SPSB2: variants seen among roughly 807,000 people sequenced by gnomAD.
The protein encoded by SPSB2 is splA/ryanodine receptor domain and SOCS box containing 2.
In SPSB2, 25 loss-of-function variants were observed where a neutral mutation model predicts 19.2. The ratio of observed to expected loss-of-function variants is 1.30; its 90% CI spans 0.95 to 1.82. The LOEUF (loss-of-function observed/expected upper bound fraction) is 1.82. Ranked by LOEUF, SPSB2 falls within the 40% of genes most tolerant of loss-of-function variation. The pLI is 0.00. For synonymous variants in SPSB2, 153 were observed against 154.9 expected (o/e 0.99, Z 0.09); for missense variants, 413 against 344.9 (o/e 1.20, Z -1.56).
At position 6,872,550 on chromosome 12, in the gene SPSB2, C is replaced by T; in HGVS notation, c.352G>A (p.Asp118Asn). The T allele has an allele frequency of 6.2e-7, 1 of 1,610,396 alleles. No homozygotes were observed. Among genetic ancestry groups the T allele is most frequent in the South Asian group, 1.1e-5 (1 of 91,032 alleles). Reference sequence around the variant, plus strand: ...CTGCCCAGCAGCGCCGCGTAGTGGTCAGTCTGCAGCGGGGCGAGGGCCGTG... The same window carrying T: ...CTGCCCAGCAGCGCCGCGTAGTGGTTAGTCTGCAGCGGGGCGAGGGCCGTG... ...VATALAPLQTDHYAALLGSNS... is the reference protein window; with the variant it reads ...VATALAPLQTNHYAALLGSNS... The change falls in exon 2 of 3, where the codon GAC becomes AAC. Residue 118 changes from aspartate to asparagine, a missense_variant. By Grantham distance (23) the Asp-to-Asn change is conservative (BLOSUM62 1). Transcript: ENST00000524270.
Position 6,872,671 on chromosome 12 carries a change from C to A in SPSB2, c.231G>T (p.Gly77=), listed in dbSNP as rs782419456. The A allele has an allele frequency of 6.2e-7, 1 of 1,612,586 alleles. No individual in the cohort carries two copies. Among genetic ancestry groups the A allele is most frequent in the Admixed American group, 1.7e-5 (1 of 60,034 alleles). ...TTGAATAGCCCCTCTTACCCCGGGC[C>A]CCATCAGTGCTCTGGGCCACGGGCC... is the stretch of plus-strand genomic sequence containing the variant. The part of the protein sequence containing the change: ...ERRPVAQSTD[G]ARGKRGYSRG... The change falls in exon 2 of 3, where the codon GGG becomes GGT. Residue 77 remains glycine, a synonymous_variant. Coordinates refer to ENST00000524270, the MANE Select transcript of SPSB2 (RefSeq NM_032641.4).
chr12:6,871,774 A>G (rs1313624649), intron 2 of SPSB2: 2 of 377,230 alleles, frequency 5.3e-6, no homozygotes, highest in Non-Finnish European at 9.6e-6. Flanking sequence ...CCAGGGCCCC[A>G]GTGTCTCCAT....
chr12:6,872,919 G>T lies in SPSB2; in HGVS notation c.-18C>A, dbSNP rs782629108. 1.3e-6 allele frequency: 2 copies of T among 1,522,798 alleles called. No homozygotes were observed. The highest frequency in any genetic ancestry group is 1.8e-6 in the Non-Finnish European group (2 of 1,130,292). The allele number at this position is 1,522,798 out of a possible 1,614,324, so 94.3% of individuals were successfully genotyped here. On this transcript the variant is annotated 5_prime_UTR_variant, in exon 2 of 3. Transcript: ENST00000524270. The stretch of plus-strand genomic sequence containing the variant: ...TGGCCCATGGAGGTGAGGAGCTAGA[G>T]GACTCCCCGAAAGAGGCTTGCTGGG...
chr12:6,872,084 A>G, intron 2 of SPSB2, 154 bp downstream of exon 2: 2 of 1,585,332 alleles, frequency 1.3e-6, no homozygotes, highest in Non-Finnish European at 1.7e-6. Flanking sequence ...ATTAAATAAC[A>G]GCTGTGAAGA....
rs944812008 is a variant in SPSB2 at position 6,871,094 on chromosome 12, C to A, written c.*98G>T. The A allele has an allele frequency of 1.3e-6, 2 of 1,482,572 alleles. No individual in the cohort carries two copies. The highest frequency in any genetic ancestry group is 1.8e-6 in the Non-Finnish European group (2 of 1,092,522). The allele number at this position is 1,482,572 out of a possible 1,614,324, so 91.8% of individuals were successfully genotyped here. A position where few individuals can be genotyped will look rare whatever the true frequency, so the allele number is the denominator to read the frequency against. ...GGTTGGGGTAGGGGCTCAGCCTCAC[C>A]AGCTTTCAGCAGCTGGTCTAGGCCA... On this transcript the variant is annotated 3_prime_UTR_variant, in exon 3 of 3. Transcript: ENST00000524270.
chr12:6,872,664 C>G lies in SPSB2; in HGVS notation c.238G>C (p.Gly80Arg). 6.2e-7 allele frequency: 1 copy of G among 1,612,460 alleles called. No individual in the cohort carries two copies. The highest frequency in any genetic ancestry group is 8.5e-7 in the Non-Finnish European group (1 of 1,179,986). ...AGGCCCCTTGAATAGCCCCTCTTAC[C>G]CCGGGCCCCATCAGTGCTCTGGGCC... ...PVAQSTDGAR[G>R]KRGYSRGLHA... Residue 80 changes from glycine (G) to arginine (R), a missense_variant, in exon 2 of 3, where the codon GGT becomes CGT. Transcript: ENST00000524270.
rs1944594387 is a variant in SPSB2, at chr12:6,871,520, A to G, written c.665-201T>C. ...TCCCTAGTCAGAGCTGGGGGTGAAG[A>G]GCTGGCTAAGGCCCTCTAAACAACA... is the stretch of plus-strand genomic sequence containing the variant. On this transcript the variant is annotated intron_variant, in intron 2 of 2. Coordinates refer to ENST00000524270, the MANE Select transcript of SPSB2 (RefSeq NM_032641.4). 4.8e-6 allele frequency: 3 copies of G among 630,378 alleles called. No individual in the cohort carries two copies. The African/African-American group carries it at 5.5e-5, about 12-fold the overall frequency. The allele number at this position is 630,378 out of a possible 1,614,324, so 39.0% of individuals were successfully genotyped here. A position where few individuals can be genotyped will look rare whatever the true frequency, so the allele number is the denominator to read the frequency against.
chr12:6,872,174 T>C, intron 2 of SPSB2, 64 bp downstream of exon 2: 1 of 1,612,732 alleles, frequency 6.2e-7, no homozygotes, highest in East Asian at 2.2e-5. Context: ...GTCAGAAGAG[T>C]TTCCATCCCA....
At position 6,871,152 on chromosome 12, in the gene SPSB2, T is replaced by C; in HGVS notation, c.*40A>G. ...CTCCCCACCTCCCCAAGGGGAGGGG[T>C]GGTGGCAAGACCTCAGCACAGTCTG... On this transcript the variant is annotated 3_prime_UTR_variant, in exon 3 of 3. Transcript: ENST00000524270. 1 of 1,560,164 alleles carries C rather than the reference T, an allele frequency of 6.4e-7. No homozygotes were observed.
intron 2 of SPSB2, chr12:6,872,014 A>G: frequency 6.8e-7 from 1 of 1,466,752 alleles, no homozygotes; most frequent in East Asian, 2.5e-5. Flanking sequence ...TTTACTGGCC[A>G]AGAGAACTTG....
At chr12:6,871,402 C>A (rs1944592002) in intron 2 of SPSB2, 83 bp from the exon 3 acceptor site, 1 of 1,449,406 alleles carries the variant, frequency 6.9e-7, no homozygotes. Context: ...TACTCAGATG[C>A]CTTTCTGCTT....
Position 6,872,875 on chromosome 12 carries a change from GC to G in SPSB2, c.26del (p.Gly9AlafsTer89), listed in dbSNP as rs1222214519. ...CCTGTGGCGTGGGGGTGCTGCTGCT[GC>G]CCCCTGCCAGAGCTGTCTGGCCCAT... MGQTALAG[G>X]SSSTPTPQAL... On this transcript the variant is annotated frameshift_variant, in exon 2 of 3. Coordinates refer to ENST00000524270, the MANE Select transcript of SPSB2 (RefSeq NM_032641.4). LOFTEE classifies it high-confidence loss of function. 6.3e-7 allele frequency: 1 copy of G among 1,589,886 alleles called. No individual in the cohort carries two copies. The highest frequency in any genetic ancestry group is 1.3e-5 in the African/African-American group (1 of 74,548).
Position 6,872,532 on chromosome 12 carries a change from G to T in SPSB2, c.370C>A (p.Leu124Met). 2 of 1,611,382 alleles carry T rather than the reference G, an allele frequency of 1.2e-6. No homozygotes were observed. Among genetic ancestry groups the T allele is most frequent in the Admixed American group, 3.3e-5 (2 of 60,010 alleles). The change falls in exon 2 of 3, where the codon CTG becomes ATG. Residue 124 changes from leucine (L) to methionine (M), a missense_variant. Leu to Met is a conservative substitution (Grantham distance 15). Transcript: ENST00000524270. ...PLQTDHYAAL[L>M]GSNSESWGWD... ...CCCCACGACTCGCTGTTGCTGCCCA[G>T]CAGCGCCGCGTAGTGGTCAGTCTGC...
At position 6,871,257 on chromosome 12, in the gene SPSB2, G is replaced by C; in HGVS notation, c.727C>G (p.Arg243Gly). ...GGCAGGGCAGACACCTGGCCGAGCC[G>C]GGTATCCCCCAGGTTGTGGCGCACA... ...LCVRHNLGDT[R>G]LGQVSALPLP... The change falls in exon 3 of 3, where the codon CGG becomes GGG. Residue 243 changes from arginine (R) to glycine (G), a missense_variant. Physicochemically the swap from Arg to Gly is moderately radical, Grantham distance 125. Transcript: ENST00000524270. The C allele has an allele frequency of 6.2e-7, 1 of 1,613,836 alleles. No homozygotes were observed. Among genetic ancestry groups the C allele is most frequent in the Non-Finnish European group, 8.5e-7 (1 of 1,179,914 alleles).
Position 6,872,924 on chromosome 12 carries a change from C to A in SPSB2, c.-23G>T. 6.7e-7 allele frequency: 1 copy of A among 1,500,356 alleles called. No homozygotes were observed. The highest frequency in any genetic ancestry group is 9.0e-7 in the Non-Finnish European group (1 of 1,115,008). The allele number at this position is 1,500,356 out of a possible 1,614,324, so 92.9% of individuals were successfully genotyped here. A position where few individuals can be genotyped will look rare whatever the true frequency, so the allele number is the denominator to read the frequency against. ...CATGGAGGTGAGGAGCTAGAGGACT[C>A]CCCGAAAGAGGCTTGCTGGGGCGTC... On this transcript the variant is annotated 5_prime_UTR_variant, in exon 2 of 3. Coordinates refer to ENST00000524270, the MANE Select transcript of SPSB2 (RefSeq NM_032641.4).
chr12:6,872,224 G>A lies in SPSB2; in HGVS notation c.664+14C>T. ...GGGACAGAAAGTTCTCCCCACGTCT[G>A]CCCCAGGCCTCACCTCTCCTTTCGC... On this transcript the variant is annotated intron_variant, in intron 2 of 2. Coordinates refer to ENST00000524270, the MANE Select transcript of SPSB2 (RefSeq NM_032641.4). The A allele has an allele frequency of 2.5e-6, 4 of 1,613,996 alleles. No individual in the cohort carries two copies. Among genetic ancestry groups the A allele is most frequent in the Non-Finnish European group, 2.5e-6 (3 of 1,180,030 alleles).
chr12:6,871,996 GTTC>G, intron 2 of SPSB2: 1 of 1,456,606 alleles, frequency 6.9e-7, no homozygotes, highest in Non-Finnish European at 9.1e-7. Flanking sequence ...CATTCTGAAG[GTTC>G]ACCATTTACT....
At position 6,870,959 on chromosome 12, in the gene SPSB2, T is replaced by C. The variant is rs879987731; in HGVS notation, c.*233A>G. On this transcript the variant is annotated 3_prime_UTR_variant, in exon 3 of 3. Transcript: ENST00000524270. ...GTTTCTATAACAACATCTCTTACTA[T>C]TTTTACTTGAAAAAATGTTTTGCGT... 2 of 675,444 alleles carry C rather than the reference T, an allele frequency of 3.0e-6. No homozygotes were observed. The highest frequency in any genetic ancestry group is 2.8e-5 in the East Asian group (1 of 36,156). The allele number at this position is 675,444 out of a possible 1,614,324, so 41.8% of individuals were successfully genotyped here.
At chr12:6,871,696 T>C (rs1944597320) in intron 2 of SPSB2, 3 of 341,710 alleles carry the variant, frequency 8.8e-6, no homozygotes, top group Non-Finnish European at 1.6e-5. Context: ...AGTCAGTTCC[T>C]GGGGAGGCTC....
Sources: allele counts gnomAD v4.1 joint callset, GRCh38; gene constraint gnomAD v4.1.1; transcripts MANE v1.5; gene names NCBI Gene and HGNC (gene_info 2026-07-23, HGNC 2026-07-21).